The following SGCZ variants were observed in gnomAD, a reference collection of about 807,000 sequenced individuals.
The protein encoded by SGCZ is zeta-sarcoglycan.
A neutral mutation model predicts 41.3 loss-of-function variants in SGCZ; 40 were observed. The observed-to-expected ratio is 0.97, with a 90% CI of 0.75 to 1.26. The LOEUF is 1.26. Among genes scored for constraint, SGCZ ranks in the 50% most tolerant of loss-of-function variants. The probability of loss-of-function intolerance (pLI) is 0.00; values close to 1 mark genes in which losing one functional copy is unlikely to be tolerated. For missense variants in SGCZ, 552 were observed against 369.8 expected, an observed-to-expected ratio of 1.49 and a Z score of -4.04; for synonymous variants, 206 against 137.5, an observed-to-expected ratio of 1.50 and a Z score of -3.49.
At chr8:14,340,836 G>A (rs879497544) in intron 2 of SGCZ, among the ~76,000 whole-genome samples, 1 of 152,004 alleles carries the variant, frequency 6.6e-6, no homozygotes, top group African/African-American at 2.4e-5. Context: ...ATGGTTCAGT[G>A]GCATTAAGTA....
chr8:14,451,589 A>T (rs1391801190), intron 2 of SGCZ, among the ~76,000 whole-genome samples: 1 of 152,198 alleles, frequency 6.6e-6, no homozygotes, highest in Admixed American at 6.5e-5. Context: ...TGCAAAAGAC[A>T]GATCTGATAA....
At chr8:14,347,163 T>G (rs149000319) in intron 2 of SGCZ, among the ~76,000 whole-genome samples, 4 of 152,078 alleles carry the variant, frequency 2.6e-5, no homozygotes, top group Non-Finnish European at 1.5e-5. Context: ...TGAGAAAAAC[T>G]ACTCATTTTT....
intron 1 of SGCZ, among the ~76,000 whole-genome samples, chr8:14,737,885 A>G (rs1799092322): frequency 2.0e-5 from 3 of 152,146 alleles, no homozygotes; most frequent in African/African-American, 7.2e-5. Context: ...TATTTCATAA[A>G]AGGTACTGTA....
At chr8:15,184,539 TC>T (rs1800276479) in intron 1 of SGCZ, among the ~76,000 whole-genome samples, 1 of 64,820 alleles carries the variant, frequency 1.5e-5, no homozygotes, top group Non-Finnish European at 5.3e-5. Context: ...ACACCAGGCC[TC>T]GGGAGACTGG....
intron 3 of SGCZ, 84 bp from the exon 4 acceptor site, chr8:14,237,763 T>C: frequency 7.9e-7 from 1 of 1,267,738 alleles, no homozygotes; most frequent in Non-Finnish European, 1.1e-6. Flanking sequence ...TGTTTGGATA[T>C]TCTGAAAAAT....
intron 1 of SGCZ, among the ~76,000 whole-genome samples, chr8:15,037,022 G>C (rs537940870): frequency 6.7e-4 from 102 of 152,252 alleles, no homozygotes; most frequent in Middle Eastern, 6.8e-3. Context: ...AGCAGAAAAA[G>C]CATTTGACAA....
At chr8:14,337,404 T>C (rs1585380054) in intron 2 of SGCZ, among the ~76,000 whole-genome samples, 1 of 152,098 alleles carries the variant, frequency 6.6e-6, no homozygotes, top group Non-Finnish European at 1.5e-5. Flanking sequence ...GTGAGATTAT[T>C]TTCTGAGGGT....
intron 2 of SGCZ, among the ~76,000 whole-genome samples, chr8:14,553,186 G>C (rs1803925595): frequency 6.6e-6 from 1 of 151,952 alleles, no homozygotes; most frequent in Admixed American, 6.6e-5. Flanking sequence ...GCAGAGCTGA[G>C]AACAGAAATA....
chr8:15,199,182 C>T (rs983630971), intron 1 of SGCZ, among the ~76,000 whole-genome samples: 2 of 152,118 alleles, frequency 1.3e-5, no homozygotes, highest in African/African-American at 2.4e-5. Context: ...CATTTTCATT[C>T]GTTCTTTCAT....
intron 4 of SGCZ, among the ~76,000 whole-genome samples, chr8:14,189,043 GA>G (rs1356929036): frequency 3.9e-5 from 5 of 127,966 alleles, no homozygotes; most frequent in African/African-American, 1.4e-4. Context: ...ATTTTTAGTA[GA>G]GATGGGGTTT....
chr8:14,866,357 C>T (rs903065452), intron 1 of SGCZ, among the ~76,000 whole-genome samples: 21 of 151,996 alleles, frequency 1.4e-4, no homozygotes. Flanking sequence ...TGGTTTTATT[C>T]TGAGTATTTC....
At chr8:14,725,265 T>C (rs1810013049) in intron 1 of SGCZ, among the ~76,000 whole-genome samples, 1 of 152,216 alleles carries the variant, frequency 6.6e-6, no homozygotes, top group East Asian at 1.9e-4. Flanking sequence ...TTCCCTACTT[T>C]GTCTACTGTG....
At chr8:14,875,006 A>T (rs1344556416) in intron 1 of SGCZ, among the ~76,000 whole-genome samples, 6 of 152,182 alleles carry the variant, frequency 3.9e-5, no homozygotes. Context: ...TTCCTGGAGA[A>T]ATTTCAAGCA....
intron 1 of SGCZ, among the ~76,000 whole-genome samples, chr8:14,834,875 A>T (rs1375440542): frequency 1.3e-5 from 2 of 152,152 alleles, no homozygotes; most frequent in African/African-American, 4.8e-5. Flanking sequence ...CAGGACCCTC[A>T]CTTGCATCAC....
chr8:14,816,193 A>C (rs190057716), intron 1 of SGCZ, among the ~76,000 whole-genome samples: 137 of 152,328 alleles, frequency 9.0e-4, no homozygotes, highest in Non-Finnish European at 1.4e-3. Context: ...CTCTCAATGC[A>C]GTCTCGACAT....
At chr8:15,048,918 C>T (rs1240449178) in intron 1 of SGCZ, among the ~76,000 whole-genome samples, 1 of 152,056 alleles carries the variant, frequency 6.6e-6, no homozygotes, top group Non-Finnish European at 1.5e-5. Context: ...CCTCAAAAAA[C>T]TTGGAATAAT....
chr8:14,564,822 A>T (rs1276303202), intron 1 of SGCZ, among the ~76,000 whole-genome samples: 1 of 152,192 alleles, frequency 6.6e-6, no homozygotes, highest in Non-Finnish European at 1.5e-5. Context: ...AGAGAGATTG[A>T]AACAATACAG....
chr8:14,724,466 T>G (rs1359652117), intron 1 of SGCZ, among the ~76,000 whole-genome samples: 1 of 151,892 alleles, frequency 6.6e-6, no homozygotes, highest in African/African-American at 2.4e-5. Context: ...TATATTAACT[T>G]CAAATATTTT....
chr8:14,492,853 A>C (rs1801880420), intron 2 of SGCZ, among the ~76,000 whole-genome samples: 1 of 152,140 alleles, frequency 6.6e-6, no homozygotes, highest in Non-Finnish European at 1.5e-5. Context: ...TACACCTGAC[A>C]TCTCAGTGTA....
Sources: gnomAD v4.1 joint callset for allele counts (sites outside exome capture counted in the v4.1 genomes callset) on GRCh38, gnomAD v4.1.1 for gene constraint, MANE v1.5 for transcripts, NCBI Gene and HGNC (gene_info 2026-07-23, HGNC 2026-07-21) for gene names.